Variants in RBMS3 observed in about 807,000 individuals in gnomAD.
The protein encoded by RBMS3 is RNA-binding motif, single-stranded-interacting protein 3.
In RBMS3, 27 loss-of-function variants were observed where a neutral mutation model predicts 66.8. The observed-to-expected ratio is 0.40, with a 90% confidence interval of 0.30 to 0.56. The LOEUF is 0.56. RBMS3 is among the 20% of genes least tolerant of loss of function. The pLI, the probability that RBMS3 is intolerant of heterozygous loss-of-function variation, is 0.40. For missense variants in RBMS3, 513 were observed against 549.5 expected (o/e 0.93, Z 0.66); for synonymous variants, 188 against 183.0 (o/e 1.03, Z -0.22).
chr3:29,608,719 G>T (rs2048393297), intron 4 of RBMS3, among the ~76,000 whole-genome samples: 1 of 151,998 alleles, frequency 6.6e-6, no homozygotes, highest in Non-Finnish European at 1.5e-5. Context: ...CACCAAAACT[G>T]CTTAGGGAAA....
chr3:29,509,335 AC>A (rs2044306523), intron 3 of RBMS3, among the ~76,000 whole-genome samples: 2 of 152,142 alleles, frequency 1.3e-5, no homozygotes, highest in South Asian at 4.1e-4. Flanking sequence ...CGTAACAAGC[AC>A]CCCACATTTA....
At chr3:29,613,663 C>T (rs1336513280) in intron 4 of RBMS3, among the ~76,000 whole-genome samples, 1 of 151,736 alleles carries the variant, frequency 6.6e-6, no homozygotes, top group African/African-American at 2.4e-5. Context: ...AATAAATAAT[C>T]AATTGAAAAA....
intron 2 of RBMS3, among the ~76,000 whole-genome samples, chr3:29,442,630 T>A (rs2041670623): frequency 6.6e-6 from 1 of 152,162 alleles, no homozygotes. Context: ...GCAGATCTCA[T>A]GCTGAATGCC....
chr3:29,966,063 T>A (rs1425749940), intron 12 of RBMS3, among the ~76,000 whole-genome samples: 1 of 152,156 alleles, frequency 6.6e-6, no homozygotes, highest in East Asian at 1.9e-4. Flanking sequence ...TTTTTTGAGT[T>A]CTCTATTCTG....
intron 3 of RBMS3, among the ~76,000 whole-genome samples, chr3:29,545,740 C>A (rs1179405520): frequency 6.6e-6 from 1 of 151,966 alleles, no homozygotes; most frequent in Non-Finnish European, 1.5e-5. Flanking sequence ...GTAGCTACTG[C>A]CAATTGAGAC....
At chr3:29,974,424 T>C (rs1697422378) in intron 12 of RBMS3, among the ~76,000 whole-genome samples, 1 of 151,926 alleles carries the variant, frequency 6.6e-6, no homozygotes, top group African/African-American at 2.4e-5. Flanking sequence ...TTGTTTTCTG[T>C]CAGTTTTTTA....
chr3:29,782,299 C>G (rs2056663830), intron 6 of RBMS3, among the ~76,000 whole-genome samples: 1 of 152,210 alleles, frequency 6.6e-6, no homozygotes. Flanking sequence ...GCTACCTCCA[C>G]CAAAGCAGGT....
intron 1 of RBMS3, among the ~76,000 whole-genome samples, chr3:29,341,841 A>C (rs2036298982): frequency 6.6e-6 from 1 of 152,198 alleles, no homozygotes; most frequent in Non-Finnish European, 1.5e-5. Flanking sequence ...AGGAAGACAA[A>C]CTAAAGTCAT....
chr3:29,362,209 C>T (rs749020070), intron 1 of RBMS3, among the ~76,000 whole-genome samples: 13 of 152,132 alleles, frequency 8.5e-5, no homozygotes, highest in Admixed American at 1.3e-4. Flanking sequence ...ATGATGGTGA[C>T]GTACACATGG....
rs1309379573 is a variant in RBMS3, at chr3:29,328,401, C to T, written c.75+46645C>T. On this transcript the variant is annotated intron_variant, in intron 1 of 14. Transcript: ENST00000383767. ...AAATTTTAAAGCTTGTGGAATGAAA[C>T]GACAAAAAGGACATTGGTATTACAC... 2.7e-4 allele frequency among the ~76,000 whole-genome samples: 41 copies of T among 152,052 alleles called. 1 individual carries two copies. Among genetic ancestry groups the T allele is most frequent in the Admixed American group, 2.4e-3 (37 of 15,276 alleles).
At chr3:29,402,848 T>A (rs1472580191) in intron 1 of RBMS3, among the ~76,000 whole-genome samples, 1 of 151,992 alleles carries the variant, frequency 6.6e-6, no homozygotes, top group East Asian at 1.9e-4. Context: ...AGAATTCAAA[T>A]TGAGGGCTAG....
chr3:29,537,441 A>G (rs1434328343), intron 3 of RBMS3, among the ~76,000 whole-genome samples: 1 of 152,258 alleles, frequency 6.6e-6, no homozygotes. Context: ...AGAAATTACC[A>G]AAATACCTTA....
At chr3:29,379,747 A>G (rs1254102688) in intron 1 of RBMS3, among the ~76,000 whole-genome samples, 4 of 152,214 alleles carry the variant, frequency 2.6e-5, no homozygotes, top group African/African-American at 9.6e-5. Flanking sequence ...GTATTTGCTA[A>G]ATATACTATA....
At chr3:29,866,507 A>G (rs941123385) in intron 6 of RBMS3, among the ~76,000 whole-genome samples, 7 of 152,148 alleles carry the variant, frequency 4.6e-5, no homozygotes, top group African/African-American at 1.4e-4. Flanking sequence ...ACAGTGATGA[A>G]CTCATATGTC....
At chr3:30,002,759 GC>G (rs1450117451) in intron 14 of RBMS3, among the ~76,000 whole-genome samples, 2 of 151,866 alleles carry the variant, frequency 1.3e-5, no homozygotes, top group Non-Finnish European at 2.9e-5. Context: ...TCACATGATG[GC>G]TTTTTGCAAA....
intron 12 of RBMS3, among the ~76,000 whole-genome samples, chr3:29,968,084 C>A (rs1696965793): frequency 6.6e-6 from 1 of 152,148 alleles, no homozygotes; most frequent in South Asian, 2.1e-4. Context: ...CTATTTCAGA[C>A]TCTTTGATGT....
chr3:29,297,724 C>A (rs1043261362), intron 1 of RBMS3, among the ~76,000 whole-genome samples: 2 of 151,836 alleles, frequency 1.3e-5, no homozygotes. Flanking sequence ...GTACTTTCCT[C>A]ATTTAAGGTT....
At chr3:29,486,076 A>C (rs904506799) in intron 2 of RBMS3, among the ~76,000 whole-genome samples, 2 of 152,144 alleles carry the variant, frequency 1.3e-5, no homozygotes, top group African/African-American at 2.4e-5. Flanking sequence ...GCATAATTTC[A>C]TAGGTATATT....
At chr3:29,510,051 A>G (rs1193324140) in intron 3 of RBMS3, among the ~76,000 whole-genome samples, 1 of 152,238 alleles carries the variant, frequency 6.6e-6, no homozygotes, top group African/African-American at 2.4e-5. Context: ...GCCATTTATC[A>G]CAGAGATGGA....
Sources: allele counts gnomAD v4.1 joint callset (sites outside exome capture counted in the v4.1 genomes callset), GRCh38; gene constraint gnomAD v4.1.1; transcripts MANE v1.5; gene names NCBI Gene and HGNC (gene_info 2026-07-23, HGNC 2026-07-21).